Variants in ETFA observed in about 807,000 individuals in gnomAD.
The protein encoded by ETFA is electron transfer flavoprotein subunit alpha.
A neutral mutation model predicts 46.2 loss-of-function variants in ETFA; 22 were observed. That is an observed-to-expected ratio of 0.48 (90% CI 0.34 to 0.68). ETFA has a LOEUF of 0.68. ETFA is among the 30% of genes least tolerant of loss of function. The probability of loss-of-function intolerance (pLI) is 0.01; values close to 1 mark genes in which losing one functional copy is unlikely to be tolerated. For synonymous variants in ETFA, 131 were observed against 139.9 expected (o/e 0.94, Z 0.45); for missense variants, 345 against 401.1 (o/e 0.86, Z 1.19).
intron 9 of ETFA, among the ~76,000 whole-genome samples, chr15:76,263,703 G>A (rs962446702): frequency 3.3e-5 from 5 of 152,112 alleles, no homozygotes; most frequent in African/African-American, 9.7e-5. Context: ...TTTCCATTTG[G>A]TCAGTGTGGG....
intron 1 of ETFA, among the ~76,000 whole-genome samples, chr15:76,307,939 AT>A (rs796357127): frequency 1.3e-4 from 19 of 149,996 alleles, no homozygotes; most frequent in Non-Finnish European, 1.5e-4. Context: ...GCTACAGAAC[AT>A]TTTTTTTTTA....
intron 4 of ETFA, among the ~76,000 whole-genome samples, chr15:76,292,083 C>G (rs1024570984): frequency 1.3e-5 from 2 of 152,094 alleles, no homozygotes; most frequent in Non-Finnish European, 2.9e-5. Context: ...ATCCATCAGC[C>G]ATCCAAATAA....
intron 8 of ETFA, among the ~76,000 whole-genome samples, chr15:76,280,726 A>C (rs190880318): frequency 1.3e-5 from 2 of 152,032 alleles, no homozygotes; most frequent in East Asian, 1.9e-4. Flanking sequence ...TCCCAATTTT[A>C]TCTCTTGCTA....
chr15:76,264,399 G>T (rs1298085178), intron 9 of ETFA, among the ~76,000 whole-genome samples: 1 of 152,190 alleles, frequency 6.6e-6, no homozygotes, highest in Non-Finnish European at 1.5e-5. Context: ...GTCGATTAGA[G>T]AATCAAGAAG....
At position 76,220,210 on chromosome 15, in the gene ETFA, G is replaced by A. The variant is rs561641166; in HGVS notation, c.964-3613C>T. Among the ~76,000 whole-genome samples the A allele has an allele frequency of 2.6e-5, 4 of 152,272 alleles. No homozygotes were observed. The East Asian group carries it at 7.7e-4, about 29-fold the overall frequency. On this transcript the variant is annotated intron_variant, in intron 11 of 11. Coordinates refer to ENST00000557943, the MANE Select transcript of ETFA (RefSeq NM_000126.4). ...GCCTCCCGAGTAGCTGGGGCTATAGGTGCGTGCCACCATGCCTAGCTAATT... is the reference window on the plus strand; with the variant it reads ...GCCTCCCGAGTAGCTGGGGCTATAGATGCGTGCCACCATGCCTAGCTAATT...
chr15:76,284,074 T>C (rs762955303), intron 7 of ETFA, among the ~76,000 whole-genome samples: 7 of 152,242 alleles, frequency 4.6e-5, no homozygotes, highest in Non-Finnish European at 8.8e-5. Context: ...GAATAAAAAC[T>C]CTTTAATTTC....
intron 11 of ETFA, chr15:76,217,712 G>A (rs772714549): frequency 5.6e-5 from 24 of 426,988 alleles, no homozygotes; most frequent in South Asian, 3.4e-4. Context: ...TCTGAAAACT[G>A]GTCCAGCCAC....
At chr15:76,282,587 C>T (rs1227849021) in intron 8 of ETFA, among the ~76,000 whole-genome samples, 3 of 152,118 alleles carry the variant, frequency 2.0e-5, no homozygotes, top group African/African-American at 7.2e-5. Context: ...GAAATACTAC[C>T]ATCTGATTAT....
chr15:76,301,453 G>A (rs2039879540), intron 1 of ETFA, among the ~76,000 whole-genome samples: 1 of 152,238 alleles, frequency 6.6e-6, no homozygotes, highest in African/African-American at 2.4e-5. Context: ...GCTCACGCCT[G>A]TAATCCCAGC....
At chr15:76,275,590 G>A (rs1159524818) in intron 8 of ETFA, among the ~76,000 whole-genome samples, 4 of 152,136 alleles carry the variant, frequency 2.6e-5, no homozygotes, top group African/African-American at 9.7e-5. Flanking sequence ...TTACACTACT[G>A]ATGTTGAAAG....
intron 1 of ETFA, among the ~76,000 whole-genome samples, chr15:76,308,470 A>G (rs1165238819): frequency 1.3e-5 from 2 of 152,234 alleles, no homozygotes; most frequent in African/African-American, 4.8e-5. Flanking sequence ...CGGGGAACAC[A>G]ATACCACTTT....
At chr15:76,282,222 A>T (rs2039662466) in intron 8 of ETFA, among the ~76,000 whole-genome samples, 1 of 152,160 alleles carries the variant, frequency 6.6e-6, no homozygotes. Context: ...TATAAGAGGG[A>T]CACAGAAGGA....
chr15:76,270,082 G>C (rs1223171143), intron 9 of ETFA, among the ~76,000 whole-genome samples: 1 of 152,154 alleles, frequency 6.6e-6, no homozygotes, highest in Non-Finnish European at 1.5e-5. Context: ...ACACCAAATG[G>C]TGAAAATGAG....
At chr15:76,273,727 T>TAA (rs35093755) in intron 9 of ETFA, among the ~76,000 whole-genome samples, 2 of 151,750 alleles carry the variant, frequency 1.3e-5, no homozygotes, top group Non-Finnish European at 1.5e-5. Flanking sequence ...TTGAAATATA[T>TAA]AAAAAACATG....
At chr15:76,229,429 G>A (rs3898352) in intron 10 of ETFA, among the ~76,000 whole-genome samples, 37,767 of 152,116 alleles carry the variant, frequency 0.25, 5,641 homozygotes, top group East Asian at 0.56. Flanking sequence ...TTGCTCTGAC[G>A]TACACTACCT....
intron 9 of ETFA, among the ~76,000 whole-genome samples, chr15:76,252,369 C>T (rs548607272): frequency 3.9e-5 from 6 of 152,164 alleles, no homozygotes; most frequent in Admixed American, 6.5e-5. Context: ...TTTTTATTTA[C>T]ACACTCTCAC....
chr15:76,243,745 GC>G (rs2039216554), intron 9 of ETFA, among the ~76,000 whole-genome samples: 1 of 151,534 alleles, frequency 6.6e-6, no homozygotes, highest in African/African-American at 2.4e-5. Flanking sequence ...GTTGCAGTGA[GC>G]CCAGATCATG....
Position 76,274,456 on chromosome 15 carries a change from G to A in ETFA, c.772C>T (p.Pro258Ser). The change falls in exon 9 of 12, where the codon CCC becomes TCC. Residue 258 changes from proline to serine, a missense_variant. Coordinates refer to ENST00000557943, the MANE Select transcript of ETFA (RefSeq NM_000126.4). ...SRAAVDAGFV[P>S]NDMQVGQTGK... ...GTCTGTCCAACTTGCATGTCATTGGGAACAAAGCCAGCATCAACAGCAGCA... is the reference window on the plus strand; with the variant it reads ...GTCTGTCCAACTTGCATGTCATTGGAAACAAAGCCAGCATCAACAGCAGCA... 6 of 1,611,378 alleles carry A rather than the reference G, an allele frequency of 3.7e-6. No individual in the cohort carries two copies. Among genetic ancestry groups the A allele is most frequent in the Non-Finnish European group, 5.1e-6 (6 of 1,178,446 alleles).
intron 4 of ETFA, among the ~76,000 whole-genome samples, chr15:76,288,912 T>TC (rs1284657038): frequency 1.3e-5 from 1 of 77,274 alleles, no homozygotes; most frequent in African/African-American, 4.8e-5. Flanking sequence ...ATTCTTCTTC[T>TC]TCTTCTTCTT....
Sources: allele counts gnomAD v4.1 joint callset (sites outside exome capture counted in the v4.1 genomes callset), GRCh38; gene constraint gnomAD v4.1.1; transcripts MANE v1.5; gene names NCBI Gene and HGNC (gene_info 2026-07-23, HGNC 2026-07-21).